The following BRMS1 variants were observed in gnomAD, a reference collection of about 807,000 sequenced individuals.
BRMS1 encodes BRMS1 transcriptional repressor and anoikis regulator.
A neutral mutation model predicts 40.4 loss-of-function variants in BRMS1; 26 were observed. The ratio of observed to expected loss-of-function variants is 0.64; its 90% confidence interval spans 0.47 to 0.89. The LOEUF (loss-of-function observed/expected upper bound fraction) is 0.89. Ranked by LOEUF, BRMS1 falls within the 40% of genes least tolerant of loss-of-function variation. The pLI, the probability that BRMS1 is intolerant of heterozygous loss-of-function variation, is 0.00. For synonymous variants in BRMS1, 103 were observed against 116.0 expected (o/e 0.89, Z 0.72); for missense variants, 289 against 309.4 (o/e 0.93, Z 0.49).
chr11:66,341,885 C>A lies in BRMS1; in HGVS notation c.139+211G>T. ...TGTGAAGGGGCTGTGTGTGTGCATA[C>A]GTGCTTGTGTGTAGGGGCTGTGTGT... On this transcript the variant is annotated intron_variant, in intron 2 of 9. Transcript: ENST00000359957. The surrounding 1 kb of genome is among the most constrained non-coding windows in gnomAD (Gnocchi z 4.9). 1.6e-6 allele frequency: 1 copy of A among 622,338 alleles called. No individual in the cohort carries two copies. The highest frequency in any genetic ancestry group is 2.7e-6 in the Non-Finnish European group (1 of 364,634). 38.6% of individuals were successfully genotyped at this position (622,338 alleles called of 1,614,324 possible).
chr11:66,340,134 T>A lies in BRMS1; in HGVS notation c.615A>T (p.Ala205=). The A allele has an allele frequency of 6.2e-7, 1 of 1,613,360 alleles. No individual in the cohort carries two copies. ...GTGAAAGGATACCAGAAACCAGAGG[T>A]GCCTTCTTCCTCTTGCTGGGCGGCA... ...DSLPPSKRKK[A]PLVSGPYIVY... Residue 205 remains alanine, a synonymous_variant, in exon 7 of 10, where the codon GCA becomes GCT. Coordinates refer to ENST00000359957, the MANE Select transcript of BRMS1 (RefSeq NM_015399.4).
chr11:66,338,713 G>T lies in BRMS1; in HGVS notation c.693+8C>A. 3 of 1,609,838 alleles carry T rather than the reference G, an allele frequency of 1.9e-6. No individual in the cohort carries two copies. The highest frequency in any genetic ancestry group is 2.5e-6 in the Non-Finnish European group (3 of 1,177,296). The stretch of plus-strand genomic sequence containing the variant: ...GGGGCAGGTCACGTGGGCAGCAGCG[G>T]CCCCCACCTTTTTGATGGCTGTCCA... On this transcript the variant is annotated splice_region_variant and intron_variant, in intron 8 of 9. Transcript: ENST00000359957.
rs1381211952 is a variant in BRMS1 at position 66,345,048 on chromosome 11, C to G, written c.-84G>C. ...CGTGGTTGCCGGTACCGGCTGCTGC[C>G]GCCGGACTCCCGTAGGCGCTGCGCG... On this transcript the variant is annotated 5_prime_UTR_variant, in exon 1 of 10. Coordinates refer to ENST00000359957, the MANE Select transcript of BRMS1 (RefSeq NM_015399.4). The G allele has an allele frequency of 6.6e-6, 1 of 152,280 alleles. No homozygotes were observed. Among genetic ancestry groups the G allele is most frequent in the Non-Finnish European group, 1.5e-5 (1 of 68,058 alleles). The allele number at this position is 152,280 out of a possible 1,614,324, so 9.4% of individuals were successfully genotyped here. A position where few individuals can be genotyped will look rare whatever the true frequency, so the allele number is the denominator to read the frequency against.
chr11:66,341,252 G>C lies in BRMS1; in HGVS notation c.312C>G (p.Pro104=). Reference sequence around the variant, plus strand: ...TGAGGCTCCGCTGCAGCCCCCCAAGGGGCTCCGTGTATTCAGGGGCTCTCT... The same window carrying C: ...TGAGGCTCCGCTGCAGCCCCCCAAGCGGCTCCGTGTATTCAGGGGCTCTCT... The part of the protein sequence containing the change: ...GAERAPEYTE[P]LGGLQRSLKI... Residue 104 remains proline, a synonymous_variant, in exon 4 of 10, where the codon CCC becomes CCG. Coordinates refer to ENST00000359957, the MANE Select transcript of BRMS1 (RefSeq NM_015399.4). This position sits in a 1 kb window ranked among gnomAD's most constrained non-coding sequence, Gnocchi z 4.9. 2 of 1,613,564 alleles carry C rather than the reference G, an allele frequency of 1.2e-6. No individual in the cohort carries two copies. Among genetic ancestry groups the C allele is most frequent in the Non-Finnish European group, 1.7e-6 (2 of 1,179,678 alleles).
In BRMS1 at chr11:66,341,580, GAC is replaced by G; in HGVS notation, c.181_182del (p.Val61GlnfsTer2). 1 of 1,614,094 alleles carries G rather than the reference GAC, an allele frequency of 6.2e-7. No individual in the cohort carries two copies. The highest frequency in any genetic ancestry group is 1.3e-5 in the African/African-American group (1 of 75,044). The part of the protein sequence containing the change: ...EDYERRRSEC[V>X]SEMLDLEKQF... Reference sequence around the variant, plus strand: ...GCTTCTCTAGGTCCAGCATCTCACTGACACACTCGCTGCGGCGTCGCTCATAG... The same window carrying G: ...GCTTCTCTAGGTCCAGCATCTCACTGACACTCGCTGCGGCGTCGCTCATAG... On this transcript the variant is annotated frameshift_variant, in exon 3 of 10. Coordinates refer to ENST00000359957, the MANE Select transcript of BRMS1 (RefSeq NM_015399.4). LOFTEE classifies it high-confidence loss of function. The surrounding 1 kb of genome is among the most constrained non-coding windows in gnomAD (Gnocchi z 4.9).
Position 66,341,378 on chromosome 11 carries a change from G to A in BRMS1, c.231-45C>T, listed in dbSNP as rs375945773. On this transcript the variant is annotated intron_variant, in intron 3 of 9. Coordinates refer to ENST00000359957, the MANE Select transcript of BRMS1 (RefSeq NM_015399.4). This position sits in a 1 kb window ranked among gnomAD's most constrained non-coding sequence, Gnocchi z 4.9. ...CCGTGCACCCATTTGCTCACCCATC[G>A]CTCTTGGGCAAACACATACCCAGCA... 110 of 1,602,820 alleles carry A rather than the reference G, an allele frequency of 6.9e-5. No individual in the cohort carries two copies. Among genetic ancestry groups the A allele is most frequent in the African/African-American group, 2.8e-4 (21 of 74,778 alleles).
At chr11:66,343,409 A>G (rs139009771) in intron 1 of BRMS1, among the ~76,000 whole-genome samples, 2 of 152,356 alleles carry the variant, frequency 1.3e-5, no homozygotes, top group African/African-American at 2.4e-5. Flanking sequence ...CAGGCGCCCA[A>G]GTGTGAATGT....
At chr11:66,342,056 C>CTCTG in intron 2 of BRMS1, 40 bp downstream of exon 2, 1 of 1,490,350 alleles carries the variant, frequency 6.7e-7, no homozygotes, top group Non-Finnish European at 9.2e-7. Context: ...TGTAGGGGCT[C>CTCTG]TGTGTGTGTG....
At chr11:66,340,932 C>T (rs1855050992) in intron 5 of BRMS1, 35 bp downstream of exon 5, 3 of 1,613,680 alleles carry the variant, frequency 1.9e-6, no homozygotes, top group Non-Finnish European at 2.5e-6. Flanking sequence ...GGCTTTGTGC[C>T]CTGCCTCACC....
At position 66,341,544 on chromosome 11, in the gene BRMS1, C is replaced by G; in HGVS notation, c.219G>C (p.Glu73Asp). The change falls in exon 3 of 10, where the codon GAG (glutamate) becomes GAC (aspartate). Residue 73 changes from glutamate (E) to aspartate (D), a missense_variant. By Grantham distance (45) the Glu-to-Asp change is conservative (BLOSUM62 2). Coordinates refer to ENST00000359957, the MANE Select transcript of BRMS1 (RefSeq NM_015399.4). The surrounding 1 kb of genome is among the most constrained non-coding windows in gnomAD (Gnocchi z 4.9). ...EMLDLEKQFS[E>D]LKEKLFRERL... is the part of the protein sequence containing the mutation. Reference sequence around the variant, plus strand: ...GTCCCCACGCTCACTTCTCCTTTAGCTCCGAGAACTGCTTCTCTAGGTCCA... The same window carrying G: ...GTCCCCACGCTCACTTCTCCTTTAGGTCCGAGAACTGCTTCTCTAGGTCCA... The G allele has an allele frequency of 6.2e-7, 1 of 1,614,110 alleles. No homozygotes were observed. The highest frequency in any genetic ancestry group is 8.5e-7 in the Non-Finnish European group (1 of 1,180,006).
In BRMS1 at chr11:66,341,633, G is replaced by T. The variant is rs1565206721; in HGVS notation, c.140-10C>A. 8.7e-6 allele frequency: 14 copies of T among 1,613,492 alleles called. No individual in the cohort carries two copies. The South Asian group carries it at 1.5e-4, about 18-fold the overall frequency. ...TCCTCATCATCCATCTCTGGGACAA[G>T]AGGCCAGTAAGGGCTAGCTCTGGGG... On this transcript the variant is annotated splice_polypyrimidine_tract_variant and intron_variant, in intron 2 of 9. Coordinates refer to ENST00000359957, the MANE Select transcript of BRMS1 (RefSeq NM_015399.4). The surrounding 1 kb of genome is among the most constrained non-coding windows in gnomAD (Gnocchi z 4.9).
chr11:66,341,913 G>A lies in BRMS1; in HGVS notation c.139+183C>T, dbSNP rs565836631. On this transcript the variant is annotated intron_variant, in intron 2 of 9. Transcript: ENST00000359957. This position sits in a 1 kb window ranked among gnomAD's most constrained non-coding sequence, Gnocchi z 4.9. Reference sequence around the variant, plus strand: ...GCTTGTGTGTAGGGGCTGTGTGTGCGTGCTTGTGTGTAGGGGCTGTGTGTG... The same window carrying A: ...GCTTGTGTGTAGGGGCTGTGTGTGCATGCTTGTGTGTAGGGGCTGTGTGTG... 4.6e-4 allele frequency: 324 copies of A among 706,584 alleles called. 1 individual carries two copies. The highest frequency in any genetic ancestry group is 1.5e-3 in the Admixed American group (66 of 43,874). The allele number at this position is 706,584 out of a possible 1,614,324, so 43.8% of individuals were successfully genotyped here. A position where few individuals can be genotyped will look rare whatever the true frequency, so the allele number is the denominator to read the frequency against.
In BRMS1 at chr11:66,342,102, T is replaced by G; in HGVS notation, c.133A>C (p.Ser45Arg). The G allele has an allele frequency of 6.2e-7, 1 of 1,613,078 alleles. No homozygotes were observed. Among genetic ancestry groups the G allele is most frequent in the Non-Finnish European group, 8.5e-7 (1 of 1,179,938 alleles). The change falls in exon 2 of 10, where the codon AGC (serine) becomes CGC (arginine). Residue 45 changes from serine to arginine, a missense_variant. Ser to Arg is a moderately radical substitution (Grantham distance 110). Transcript: ENST00000359957. ...SGSQTESEEE[S>R]SEMDDEDYER... The stretch of plus-strand genomic sequence containing the variant: ...TGTGTGTGTAGGGGCTCACCGGAGC[T>G]CTCCTCTTCTGACTCTGTCTGGCTG...
At position 66,340,188 on chromosome 11, in the gene BRMS1, G is replaced by GGC; in HGVS notation, c.559_560dup (p.Arg188ProfsTer132). 6.2e-7 allele frequency: 1 copy of GGC among 1,613,650 alleles called. No individual in the cohort carries two copies. The highest frequency in any genetic ancestry group is 8.5e-7 in the Non-Finnish European group (1 of 1,179,910). ...AGTCCCAAGACCTGGAGCTGCCTCTGGCGTGCAGTTTGTCATCCCACCATT... is the reference window on the plus strand; with the variant it reads ...AGTCCCAAGACCTGGAGCTGCCTCTGGCGCGTGCAGTTTGTCATCCCACCATT... On this transcript the variant is annotated frameshift_variant, in exon 7 of 10. Coordinates refer to ENST00000359957, the MANE Select transcript of BRMS1 (RefSeq NM_015399.4). LOFTEE classifies it high-confidence loss of function.
At chr11:66,343,424 G>A (rs1178696308) in intron 1 of BRMS1, among the ~76,000 whole-genome samples, 2 of 152,138 alleles carry the variant, frequency 1.3e-5, no homozygotes, top group African/African-American at 4.8e-5. Context: ...GAATGTCTTT[G>A]ACCTCACGGA....
At chr11:66,342,054 C>CTTTG (rs764305179) in intron 2 of BRMS1, 42 bp downstream of exon 2, 3 of 567,814 alleles carry the variant, frequency 5.3e-6, no homozygotes, top group Non-Finnish European at 8.0e-6. Flanking sequence ...TGTGTAGGGG[C>CTTTG]TCTGTGTGTG....
chr11:66,342,405 C>T (rs1361605313), intron 1 of BRMS1, among the ~76,000 whole-genome samples, 164 bp from the exon 2 acceptor site: 1 of 152,142 alleles, frequency 6.6e-6, no homozygotes, highest in African/African-American at 2.4e-5. Context: ...TGCAAATGGC[C>T]ATCTGCACCT....
At chr11:66,339,902 CGTTTCT>C in intron 7 of BRMS1, 1 of 475,480 alleles carries the variant, frequency 2.1e-6, no homozygotes, top group South Asian at 3.5e-5. Flanking sequence ...GAGCCCAGCC[CGTTTCT>C]GTTTTCCTAG....
At chr11:66,338,460 G>A (rs1854987261) in intron 8 of BRMS1, 178 bp from the exon 9 acceptor site, 10 of 1,511,338 alleles carry the variant, frequency 6.6e-6, no homozygotes, top group Non-Finnish European at 8.8e-6. Context: ...CAGCTCAGCG[G>A]CTCTCCCGCC....
Sources: gnomAD v4.1 joint callset for allele counts (sites outside exome capture counted in the v4.1 genomes callset) on GRCh38, gnomAD v4.1.1 for gene constraint, Gnocchi (gnomAD v3.1) non-coding constraint, MANE v1.5 for transcripts, NCBI Gene and HGNC (gene_info 2026-07-23, HGNC 2026-07-21) for gene names.